The following LRRTM4 variants were observed in gnomAD, a reference collection of about 807,000 sequenced individuals.
The protein encoded by LRRTM4 is leucine-rich repeat transmembrane neuronal protein 4.
Under a neutral mutation model 47.6 loss-of-function variants are expected in LRRTM4, and 25 were observed. The observed-to-expected ratio is 0.53, with a 90% CI of 0.38 to 0.73. LRRTM4 has a LOEUF of 0.73. Ranked by LOEUF, LRRTM4 falls within the 30% of genes least tolerant of loss-of-function variation. LRRTM4 has a pLI of 0.00. For synonymous variants in LRRTM4, 311 were observed against 269.5 expected (o/e 1.15, Z -1.51); for missense variants, 638 against 713.4 (o/e 0.89, Z 1.20).
At chr2:76,808,891 T>A (rs1670642580) in intron 3 of LRRTM4, among the ~76,000 whole-genome samples, 1 of 152,198 alleles carries the variant, frequency 6.6e-6, no homozygotes, top group Non-Finnish European at 1.5e-5. Flanking sequence ...TTTTCCTCCA[T>A]TTCTTTTCCA....
chr2:76,870,658 T>A (rs1359212746), intron 3 of LRRTM4, among the ~76,000 whole-genome samples: 2 of 152,118 alleles, frequency 1.3e-5, no homozygotes, highest in African/African-American at 4.8e-5. Flanking sequence ...CCCCTGCACA[T>A]GTCAAGTTCA....
At chr2:77,311,604 T>C (rs1220483047) in intron 3 of LRRTM4, among the ~76,000 whole-genome samples, 1 of 152,306 alleles carries the variant, frequency 6.6e-6, no homozygotes, top group South Asian at 2.1e-4. Context: ...TTTAGCATAG[T>C]AGGTGGCATA....
At chr2:77,043,646 T>C (rs1300750754) in intron 3 of LRRTM4, among the ~76,000 whole-genome samples, 1 of 151,810 alleles carries the variant, frequency 6.6e-6, no homozygotes, top group Admixed American at 6.6e-5. Flanking sequence ...TGGGAACATT[T>C]AATCATACTA....
intron 3 of LRRTM4, among the ~76,000 whole-genome samples, chr2:77,002,007 A>G (rs938156544): frequency 6.6e-6 from 1 of 152,112 alleles, no homozygotes; most frequent in Non-Finnish European, 1.5e-5. Context: ...AGCTTATGTT[A>G]ATAGGGCTTG....
chr2:77,061,784 A>G (rs1679793731), intron 3 of LRRTM4, among the ~76,000 whole-genome samples: 1 of 152,192 alleles, frequency 6.6e-6, no homozygotes, highest in African/African-American at 2.4e-5. Context: ...AACAATCATG[A>G]GTTAATTGAA....
intron 3 of LRRTM4, among the ~76,000 whole-genome samples, chr2:77,237,825 C>A (rs1349528752): frequency 6.6e-6 from 1 of 152,078 alleles, no homozygotes; most frequent in African/African-American, 2.4e-5. Flanking sequence ...AGATAGCAAA[C>A]CCTGTTGCCT....
intron 3 of LRRTM4, among the ~76,000 whole-genome samples, chr2:76,800,898 A>G (rs186642803): frequency 6.6e-6 from 1 of 151,604 alleles, no homozygotes; most frequent in African/African-American, 2.4e-5. Flanking sequence ...GAAAACCACA[A>G]TGAGATACCA....
chr2:76,875,576 G>A (rs1672754464), intron 3 of LRRTM4, among the ~76,000 whole-genome samples: 1 of 152,096 alleles, frequency 6.6e-6, no homozygotes, highest in African/African-American at 2.4e-5. Flanking sequence ...TGCAGAGAGT[G>A]GGGATATAAG....
chr2:77,219,771 C>T (rs1345826680), intron 3 of LRRTM4, among the ~76,000 whole-genome samples: 1 of 152,168 alleles, frequency 6.6e-6, no homozygotes, highest in Non-Finnish European at 1.5e-5. Flanking sequence ...CTAATGTTGA[C>T]CTCTGGGGGC....
intron 3 of LRRTM4, among the ~76,000 whole-genome samples, chr2:76,897,393 T>C (rs1452100177): frequency 6.6e-6 from 1 of 151,998 alleles, no homozygotes; most frequent in African/African-American, 2.4e-5. Flanking sequence ...TATTACCAAC[T>C]CTATTGGGCA....
chr2:77,396,696 T>C (rs1446384641), intron 3 of LRRTM4, among the ~76,000 whole-genome samples: 1 of 151,918 alleles, frequency 6.6e-6, no homozygotes, highest in Non-Finnish European at 1.5e-5. Flanking sequence ...AGAGGCTATT[T>C]ATTGGTGGAA....
intron 3 of LRRTM4, among the ~76,000 whole-genome samples, chr2:77,505,531 C>T (rs1468569404): frequency 1.3e-5 from 2 of 151,266 alleles, no homozygotes; most frequent in African/African-American, 2.4e-5. Flanking sequence ...AAAATTGCTC[C>T]AAATCACCAT....
In LRRTM4 at chr2:77,351,044, T is replaced by G. The variant is rs1001297675; in HGVS notation, c.1551+167274A>C. On this transcript the variant is annotated intron_variant, in intron 3 of 3. Coordinates refer to ENST00000409884, the MANE Select transcript of LRRTM4 (RefSeq NM_001134745.3). ...GGTATTCAGCCTAGTACCCATTAGT[T>G]ACTTTCCCTGAGCCTCTCCTTCCTC... is the stretch of plus-strand genomic sequence containing the variant. Among the ~76,000 whole-genome samples, 3 of 152,308 alleles carry G rather than the reference T, an allele frequency of 2.0e-5. No homozygotes were observed. In the East Asian group the frequency reaches 5.8e-4, roughly 29 times the overall value.
At chr2:77,280,069 A>C (rs1676467663) in intron 3 of LRRTM4, among the ~76,000 whole-genome samples, 1 of 152,068 alleles carries the variant, frequency 6.6e-6, no homozygotes, top group South Asian at 2.1e-4. Flanking sequence ...AGCTGCCATT[A>C]AGTAGCGAGA....
chr2:76,958,743 A>G (rs1343525030), intron 3 of LRRTM4, among the ~76,000 whole-genome samples: 1 of 151,788 alleles, frequency 6.6e-6, no homozygotes, highest in East Asian at 2.0e-4. Context: ...ACTGATACAT[A>G]GAGTACCATT....
At chr2:76,784,393 G>A (rs906258931) in intron 3 of LRRTM4, among the ~76,000 whole-genome samples, 1 of 151,900 alleles carries the variant, frequency 6.6e-6, no homozygotes, top group Non-Finnish European at 1.5e-5. Context: ...GCATACATAT[G>A]GACTCTAATT....
chr2:76,935,021 G>A (rs1395236114), intron 3 of LRRTM4, among the ~76,000 whole-genome samples: 4 of 150,564 alleles, frequency 2.7e-5, no homozygotes, highest in African/African-American at 4.9e-5. Context: ...GCTGATTATC[G>A]AACTTTCTGA....
intron 3 of LRRTM4, among the ~76,000 whole-genome samples, chr2:77,081,291 C>CACAT (rs1342995493): frequency 1.1e-3 from 161 of 146,602 alleles, no homozygotes; most frequent in Middle Eastern, 3.5e-3. Flanking sequence ...CACACACACA[C>CACAT]ATAAATTTGT....
At chr2:76,928,785 G>A (rs748044612) in intron 3 of LRRTM4, among the ~76,000 whole-genome samples, 2 of 152,124 alleles carry the variant, frequency 1.3e-5, no homozygotes. Flanking sequence ...TAATTTGTGA[G>A]AATTTCCTTT....
Sources: gnomAD v4.1 joint callset for allele counts (sites outside exome capture counted in the v4.1 genomes callset) on GRCh38, gnomAD v4.1.1 for gene constraint, MANE v1.5 for transcripts, NCBI Gene and HGNC (gene_info 2026-07-23, HGNC 2026-07-21) for gene names.